SHISA9: variants seen among roughly 807,000 people sequenced by gnomAD.
SHISA9 encodes the protein protein shisa-9.
A neutral mutation model predicts 38.0 loss-of-function variants in SHISA9; 13 were observed. The observed-to-expected ratio is 0.34, with a 90% confidence interval of 0.22 to 0.54. SHISA9 has a LOEUF of 0.54. SHISA9 is among the 20% of genes least tolerant of loss of function. The pLI is 0.91. For missense variants in SHISA9, 538 were observed against 575.8 expected (o/e 0.93, Z 0.67); for synonymous variants, 275 against 242.0 (o/e 1.14, Z -1.27).
chr16:13,345,926 T>G, the SHISA9 span, among the ~76,000 whole-genome samples: 1 of 151,206 alleles, frequency 6.6e-6, no homozygotes, highest in Non-Finnish European at 1.5e-5. Context: ...TTCAGGTCCT[T>G]CGCCCAATTC....
At chr16:13,341,367 G>A in the SHISA9 span, among the ~76,000 whole-genome samples, 2 of 152,150 alleles carry the variant, frequency 1.3e-5, no homozygotes, top group African/African-American at 4.8e-5. Context: ...CCCATGTTTT[G>A]TTTAATCTTG....
chr16:13,139,221 AC>A (rs2050376347), intron 2 of SHISA9, among the ~76,000 whole-genome samples: 1 of 90,100 alleles, frequency 1.1e-5, no homozygotes, highest in Non-Finnish European at 2.3e-5. Context: ...CCCTTCCCTC[AC>A]TCCCTTCCTT....
At position 13,236,008 on chromosome 16, in the gene SHISA9, A is replaced by G. The variant is rs544043306; in HGVS notation, c.*599A>G. ...AAATTTTGACGAGCATGAAACAGTAACTGGACCCCAACCATTCTATTTATA... is the reference window on the plus strand; with the variant it reads ...AAATTTTGACGAGCATGAAACAGTAGCTGGACCCCAACCATTCTATTTATA... On this transcript the variant is annotated 3_prime_UTR_variant, in exon 5 of 5. Transcript: ENST00000558583. 6.6e-6 allele frequency: 1 copy of G among 152,408 alleles called. No individual in the cohort carries two copies. Among genetic ancestry groups the G allele is most frequent in the East Asian group, 1.9e-4 (1 of 5,186 alleles). 9.4% of individuals were successfully genotyped at this position (152,408 alleles called of 1,614,324 possible). A position where few individuals can be genotyped will look rare whatever the true frequency, so the allele number is the denominator to read the frequency against.
chr16:13,159,374 T>C (rs1445707367), intron 2 of SHISA9, among the ~76,000 whole-genome samples: 1 of 152,224 alleles, frequency 6.6e-6, no homozygotes, highest in African/African-American at 2.4e-5. Flanking sequence ...GAGGAAAGAC[T>C]GCCTTTGTCC....
At chr16:12,966,392 G>A (rs577704951) in intron 2 of SHISA9, among the ~76,000 whole-genome samples, 1 of 152,102 alleles carries the variant, frequency 6.6e-6, no homozygotes, top group Non-Finnish European at 1.5e-5. Flanking sequence ...ATGACAAGAA[G>A]GAGTGCCAAC....
chr16:13,509,660 A>C, the SHISA9 span, among the ~76,000 whole-genome samples: 1 of 152,362 alleles, frequency 6.6e-6, no homozygotes, highest in South Asian at 2.1e-4. Context: ...TAAAATTATC[A>C]GGTCTCTCTG....
chr16:13,474,920 T>C, the SHISA9 span, among the ~76,000 whole-genome samples: 1 of 152,160 alleles, frequency 6.6e-6, no homozygotes, highest in Non-Finnish European at 1.5e-5. Context: ...GGGATGAAGC[T>C]GTAGGTACTG....
At chr16:12,982,889 G>A (rs568330126) in intron 2 of SHISA9, among the ~76,000 whole-genome samples, 5 of 152,244 alleles carry the variant, frequency 3.3e-5, no homozygotes, top group South Asian at 2.1e-4. Flanking sequence ...TTACTCACAC[G>A]CTCGCTTCTA....
chr16:12,944,760 G>T lies in SHISA9; in HGVS notation c.691+27945G>T, dbSNP rs549119197. On this transcript the variant is annotated intron_variant, in intron 2 of 4. Coordinates refer to ENST00000558583, the MANE Select transcript of SHISA9 (RefSeq NM_001145204.3). ...CCTCCCTAAGACTGTTTGGAAAAAC[G>T]TAGGAATTTTTTTCAGTATCAGTAT... Among the ~76,000 whole-genome samples the T allele has an allele frequency of 2.8e-4, 42 of 152,260 alleles. No individual in the cohort carries two copies. The East Asian group carries it at 7.5e-3, about 27-fold the overall frequency.
chr16:13,506,191 G>T, the SHISA9 span, among the ~76,000 whole-genome samples: 2 of 152,200 alleles, frequency 1.3e-5, no homozygotes, highest in East Asian at 1.9e-4. Flanking sequence ...GAGTGGGGAA[G>T]ATTTGTCAAG....
the SHISA9 span, among the ~76,000 whole-genome samples, chr16:13,430,921 GA>G: frequency 1.4e-4 from 20 of 144,228 alleles, no homozygotes; most frequent in Non-Finnish European, 1.4e-4. Flanking sequence ...TCTGTTTCTA[GA>G]AAAAAAAAAA....
intron 2 of SHISA9, among the ~76,000 whole-genome samples, chr16:13,031,640 T>C (rs1405139484): frequency 6.6e-6 from 1 of 152,146 alleles, no homozygotes; most frequent in African/African-American, 2.4e-5. Context: ...GGGTTTGAAT[T>C]TTAGGTCTGC....
At chr16:13,435,856 G>C in the SHISA9 span, among the ~76,000 whole-genome samples, 2 of 152,202 alleles carry the variant, frequency 1.3e-5, no homozygotes, top group African/African-American at 4.8e-5. Context: ...AAATGTGATT[G>C]TGTGGTAGGA....
At chr16:13,047,796 A>G (rs535611149) in intron 2 of SHISA9, among the ~76,000 whole-genome samples, 1 of 152,312 alleles carries the variant, frequency 6.6e-6, no homozygotes, top group African/African-American at 2.4e-5. Flanking sequence ...TAATAGTAAA[A>G]TTGCTAAAGT....
intron 2 of SHISA9, among the ~76,000 whole-genome samples, chr16:13,060,989 C>T (rs746904092): frequency 6.6e-6 from 1 of 152,072 alleles, no homozygotes; most frequent in Admixed American, 6.6e-5. Context: ...TTTCCATGTC[C>T]CCTCCAAGGC....
the SHISA9 span, among the ~76,000 whole-genome samples, chr16:13,432,404 T>C: frequency 1.3e-5 from 2 of 152,078 alleles, no homozygotes; most frequent in Non-Finnish European, 2.9e-5. Flanking sequence ...TGGTGATGCG[T>C]TGAGAAAGAA....
the SHISA9 span, among the ~76,000 whole-genome samples, chr16:13,537,335 G>A: frequency 1.8e-3 from 267 of 151,830 alleles, 1 homozygote; most frequent in African/African-American, 6.1e-3. Context: ...GGCTGAGGCA[G>A]AAGAATCACT....
At chr16:13,003,216 G>A (rs1243771924) in intron 2 of SHISA9, among the ~76,000 whole-genome samples, 9 of 152,194 alleles carry the variant, frequency 5.9e-5, no homozygotes, top group African/African-American at 4.8e-5. Context: ...GGTCTTGTAC[G>A]CCATGGGAAT....
chr16:13,529,867 A>C, the SHISA9 span, among the ~76,000 whole-genome samples: 1 of 152,224 alleles, frequency 6.6e-6, no homozygotes, highest in African/African-American at 2.4e-5. Context: ...AGCTCCAGGT[A>C]ACCTGATTGA....
Sources: gnomAD v4.1 joint callset for allele counts (sites outside exome capture counted in the v4.1 genomes callset) on GRCh38, gnomAD v4.1.1 for gene constraint, MANE v1.5 for transcripts, NCBI Gene and HGNC (gene_info 2026-07-23, HGNC 2026-07-21) for gene names.